AGBL4: variants seen among roughly 807,000 people sequenced by gnomAD.
The protein encoded by AGBL4 is AGBL carboxypeptidase 4.
In AGBL4, 58 loss-of-function variants were observed where a neutral mutation model predicts 66.4. The ratio of observed to expected loss-of-function variants is 0.87; its 90% CI spans 0.71 to 1.09. The LOEUF is 1.09. AGBL4 is among the 50% of genes least tolerant of loss of function. AGBL4 has a pLI of 0.00. For synonymous variants in AGBL4, 234 were observed against 222.9 expected (o/e 1.05, Z -0.44); for missense variants, 579 against 631.0 (o/e 0.92, Z 0.88).
At chr1:49,876,914 G>C (rs1293391950) in intron 1 of AGBL4, among the ~76,000 whole-genome samples, 1 of 150,930 alleles carries the variant, frequency 6.6e-6, no homozygotes, top group African/African-American at 2.4e-5. Flanking sequence ...TATTCTCTTT[G>C]AAGCAATTGT....
intron 4 of AGBL4, among the ~76,000 whole-genome samples, chr1:49,196,819 T>C (rs1401451966): frequency 3.3e-5 from 5 of 151,958 alleles, no homozygotes; most frequent in Non-Finnish European, 7.4e-5. Flanking sequence ...ATCTCACTCT[T>C]TTGCCCATTG....
chr1:49,498,295 T>C (rs1293687476), intron 3 of AGBL4, among the ~76,000 whole-genome samples: 1 of 151,910 alleles, frequency 6.6e-6, no homozygotes, highest in African/African-American at 2.4e-5. Flanking sequence ...GTTTGTAGAC[T>C]GTGTTATCTA....
intron 9 of AGBL4, among the ~76,000 whole-genome samples, chr1:48,606,683 T>G (rs183821000): frequency 6.6e-6 from 1 of 152,220 alleles, no homozygotes; most frequent in African/African-American, 2.4e-5. Flanking sequence ...GGCCAGTTGG[T>G]GGTTTAGCTC....
At chr1:49,665,638 A>G (rs1475458879) in intron 3 of AGBL4, among the ~76,000 whole-genome samples, 1 of 152,138 alleles carries the variant, frequency 6.6e-6, no homozygotes, top group Admixed American at 6.6e-5. Context: ...ATCTGTCTCC[A>G]TGCAAAAAAA....
rs1372297427 is a variant in AGBL4 at position 49,847,164 on chromosome 1, A to G, written c.157+4232T>C. On this transcript the variant is annotated intron_variant, in intron 2 of 13. Coordinates refer to ENST00000371839, the MANE Select transcript of AGBL4 (RefSeq NM_032785.4). ...CAACTACACATACATTGGGAAGAGG[A>G]CATTGTTTTCAATAAGTGGTACTGG... is the stretch of plus-strand genomic sequence containing the variant. Among the ~76,000 whole-genome samples, 5 of 152,348 alleles carry G rather than the reference A, an allele frequency of 3.3e-5. No individual in the cohort carries two copies. In the South Asian group the frequency reaches 1.0e-3, roughly 32 times the overall value.
chr1:49,256,836 T>C (rs1570238585), intron 3 of AGBL4, among the ~76,000 whole-genome samples: 2 of 152,176 alleles, frequency 1.3e-5, no homozygotes, highest in East Asian at 3.8e-4. Flanking sequence ...ATAGACGCAA[T>C]ACATATTAAA....
At chr1:49,547,973 C>T (rs1223339197) in intron 3 of AGBL4, among the ~76,000 whole-genome samples, 1 of 152,060 alleles carries the variant, frequency 6.6e-6, no homozygotes, top group African/African-American at 2.4e-5. Context: ...GGGGTTTCAC[C>T]ATGTTGGTGA....
At chr1:49,074,522 T>C (rs924742626) in intron 4 of AGBL4, among the ~76,000 whole-genome samples, 1 of 152,212 alleles carries the variant, frequency 6.6e-6, no homozygotes, top group African/African-American at 2.4e-5. Context: ...TCGACCATCT[T>C]GCCAGAAATC....
At chr1:49,091,289 GACAACCT>G (rs1644998983) in intron 4 of AGBL4, among the ~76,000 whole-genome samples, 1 of 152,058 alleles carries the variant, frequency 6.6e-6, no homozygotes. Flanking sequence ...AAAGCAACCA[GACAACCT>G]ATAGAATGGG....
chr1:48,549,792 A>G (rs1332805445), intron 11 of AGBL4, among the ~76,000 whole-genome samples: 2 of 151,992 alleles, frequency 1.3e-5, no homozygotes, highest in African/African-American at 4.8e-5. Flanking sequence ...AGAGAGATAT[A>G]AATGTAGGCA....
At chr1:49,267,605 G>A (rs1274409745) in intron 3 of AGBL4, among the ~76,000 whole-genome samples, 3 of 152,000 alleles carry the variant, frequency 2.0e-5, no homozygotes, top group Admixed American at 6.5e-5. Context: ...ACTGGAACCC[G>A]GGAGGTGGAG....
chr1:48,733,400 T>G (rs1208168535), intron 6 of AGBL4, among the ~76,000 whole-genome samples: 1 of 152,124 alleles, frequency 6.6e-6, no homozygotes, highest in Non-Finnish European at 1.5e-5. Context: ...AGTCTGTAGG[T>G]GTGATGCCTC....
At chr1:48,629,558 G>C (rs890918839) in intron 9 of AGBL4, among the ~76,000 whole-genome samples, 23 of 152,284 alleles carry the variant, frequency 1.5e-4, no homozygotes, top group African/African-American at 5.3e-4. Context: ...TAGATGGTGA[G>C]GGCAGGTTAG....
intron 3 of AGBL4, among the ~76,000 whole-genome samples, chr1:49,318,643 T>G (rs1645080781): frequency 1.3e-5 from 2 of 152,066 alleles, no homozygotes; most frequent in Non-Finnish European, 2.9e-5. Flanking sequence ...TAAAGCAGGC[T>G]TATAAGATAG....
chr1:49,405,163 A>G (rs755578900), intron 3 of AGBL4, among the ~76,000 whole-genome samples: 84 of 152,176 alleles, frequency 5.5e-4, no homozygotes, highest in Non-Finnish European at 1.0e-3. Context: ...CCAAATTCAG[A>G]ACCTCAGTAT....
chr1:48,713,590 G>A (rs531399153), intron 6 of AGBL4, among the ~76,000 whole-genome samples: 33 of 152,292 alleles, frequency 2.2e-4, no homozygotes, highest in African/African-American at 5.5e-4. Flanking sequence ...AGTCCTCTGC[G>A]TACGGGGCAC....
At chr1:49,468,700 C>A (rs1646678920) in intron 3 of AGBL4, among the ~76,000 whole-genome samples, 1 of 151,794 alleles carries the variant, frequency 6.6e-6, no homozygotes, top group Admixed American at 6.6e-5. Context: ...ATCTTCACAT[C>A]ATTTCCAATA....
At chr1:48,792,614 T>C (rs976768279) in intron 6 of AGBL4, among the ~76,000 whole-genome samples, 1 of 152,178 alleles carries the variant, frequency 6.6e-6, no homozygotes, top group Non-Finnish European at 1.5e-5. Flanking sequence ...AGGCAGTCCA[T>C]GTCTGCCTGA....
intron 4 of AGBL4, among the ~76,000 whole-genome samples, chr1:49,158,469 G>A (rs1428716149): frequency 1.3e-5 from 2 of 152,250 alleles, no homozygotes; most frequent in South Asian, 2.1e-4. Flanking sequence ...CATTTGCTGA[G>A]GAGTGTTTTA....
Sources: allele counts gnomAD v4.1 joint callset (sites outside exome capture counted in the v4.1 genomes callset), GRCh38; gene constraint gnomAD v4.1.1; transcripts MANE v1.5; gene names NCBI Gene and HGNC (gene_info 2026-07-23, HGNC 2026-07-21).